AAK1: variants seen among roughly 807,000 people sequenced by gnomAD.
The protein encoded by AAK1 is AP2-associated protein kinase 1.
AAK1 carries 37 observed loss-of-function variants against 116.0 expected under a neutral mutation model. The ratio of observed to expected loss-of-function variants is 0.32; its 90% CI spans 0.25 to 0.42. The LOEUF is 0.42. Among genes scored for constraint, AAK1 ranks in the 10% least tolerant of loss-of-function variants. AAK1 has a pLI of 1.00. For synonymous variants in AAK1, 458 were observed against 439.9 expected (o/e 1.04, Z -0.51); for missense variants, 919 against 1,170.6 (o/e 0.79, Z 3.14).
At chr2:69,608,254 A>G (rs1673902073) in intron 2 of AAK1, among the ~76,000 whole-genome samples, 1 of 152,260 alleles carries the variant, frequency 6.6e-6, no homozygotes, top group Non-Finnish European at 1.5e-5. Context: ...CAGAGCCTTG[A>G]GCAGACATTC....
intron 3 of AAK1, among the ~76,000 whole-genome samples, chr2:69,550,258 C>T (rs1032508305): frequency 3.9e-4 from 60 of 152,304 alleles, no homozygotes; most frequent in African/African-American, 1.4e-3. Context: ...AACCTGAAGG[C>T]TCTCTGGACC....
At chr2:69,504,121 G>A (rs1676082542) in intron 16 of AAK1, among the ~76,000 whole-genome samples, 1 of 152,096 alleles carries the variant, frequency 6.6e-6, no homozygotes, top group Non-Finnish European at 1.5e-5. Context: ...ATCAGGTTGG[G>A]TGTGGTAGCT....
At chr2:69,607,180 G>T (rs1203870798) in intron 2 of AAK1, among the ~76,000 whole-genome samples, 1 of 152,096 alleles carries the variant, frequency 6.6e-6, no homozygotes, top group Non-Finnish European at 1.5e-5. Context: ...GTCAGAGAAG[G>T]GTTCCCCAAG....
chr2:69,474,317 T>C lies in AAK1; in HGVS notation c.*1552A>G, dbSNP rs1302003219. On this transcript the variant is annotated 3_prime_UTR_variant, in exon 22 of 22. Coordinates refer to ENST00000409085, the MANE Select transcript of AAK1 (RefSeq NM_014911.5). ...GAGTTTCCCTTTTGATGATGGACAA[T>C]GGCACTAGAGGAAAAGAACAGGAGT... 1 of 985,746 alleles carries C rather than the reference T, an allele frequency of 1.0e-6. No individual in the cohort carries two copies. Among genetic ancestry groups the C allele is most frequent in the African/African-American group, 1.7e-5 (1 of 57,236 alleles). 61.1% of individuals were successfully genotyped at this position (985,746 alleles called of 1,614,324 possible). A position where few individuals can be genotyped will look rare whatever the true frequency, so the allele number is the denominator to read the frequency against.
chr2:69,501,249 T>C (rs1675969326), intron 16 of AAK1, among the ~76,000 whole-genome samples: 1 of 152,206 alleles, frequency 6.6e-6, no homozygotes, highest in Admixed American at 6.5e-5. Flanking sequence ...AATATACTTA[T>C]ACAATTTACA....
intron 2 of AAK1, among the ~76,000 whole-genome samples, chr2:69,623,760 TTCC>T (rs2105243459): frequency 6.6e-6 from 1 of 152,092 alleles, no homozygotes; most frequent in Admixed American, 6.5e-5. Context: ...TCTCAGGCCT[TTCC>T]AAGGATGGCT....
chr2:69,483,818 C>T (rs1006777310), intron 17 of AAK1, among the ~76,000 whole-genome samples: 2 of 152,148 alleles, frequency 1.3e-5, no homozygotes, highest in East Asian at 1.9e-4. Context: ...AATAAAAGGA[C>T]GCCTGAGCCA....
In AAK1 at chr2:69,472,748, T is replaced by C; in HGVS notation, c.*3121A>G. 1.0e-6 allele frequency: 1 copy of C among 985,458 alleles called. No homozygotes were observed. Among genetic ancestry groups the C allele is most frequent in the Non-Finnish European group, 1.2e-6 (1 of 829,920 alleles). The allele number at this position is 985,458 out of a possible 1,614,324, so 61.0% of individuals were successfully genotyped here. On this transcript the variant is annotated 3_prime_UTR_variant, in exon 22 of 22. Transcript: ENST00000409085. ...AATCAGAAACATATGCTTATAGTAT[T>C]TGCCCGTTTTAAACTGGTAGATGCC...
chr2:69,583,287 C>A (rs1052381771), intron 2 of AAK1, among the ~76,000 whole-genome samples: 2 of 152,166 alleles, frequency 1.3e-5, no homozygotes, highest in Non-Finnish European at 2.9e-5. Flanking sequence ...ATTACTAATT[C>A]TTTAAAAGAC....
intron 20 of AAK1, among the ~76,000 whole-genome samples, chr2:69,477,654 G>A (rs572293635): frequency 1.3e-5 from 2 of 152,288 alleles, no homozygotes; most frequent in South Asian, 4.2e-4. Flanking sequence ...TGCAAATGAT[G>A]CTTCTCTGTA....
intron 3 of AAK1, among the ~76,000 whole-genome samples, chr2:69,552,188 T>C (rs1671209769): frequency 6.6e-6 from 1 of 152,112 alleles, no homozygotes; most frequent in Non-Finnish European, 1.5e-5. Flanking sequence ...ATTTTAAAAC[T>C]TATTTAGCTA....
At chr2:69,599,027 TG>T in intron 2 of AAK1, 1 of 296,810 alleles carries the variant, frequency 3.4e-6, no homozygotes, top group Non-Finnish European at 6.6e-6. Flanking sequence ...AGAAAATTCA[TG>T]GGGAGGTCCG....
intron 2 of AAK1, among the ~76,000 whole-genome samples, chr2:69,609,231 C>T (rs995565237): frequency 6.6e-6 from 1 of 151,764 alleles, no homozygotes; most frequent in Non-Finnish European, 1.5e-5. Flanking sequence ...GGCTTGGTGG[C>T]GGGTGCCTGT....
intron 2 of AAK1, among the ~76,000 whole-genome samples, chr2:69,606,392 A>G (rs1464773660): frequency 6.6e-6 from 1 of 152,224 alleles, no homozygotes; most frequent in Admixed American, 6.5e-5. Context: ...CACTTGCTGC[A>G]CTTAGTGCTG....
intron 17 of AAK1, among the ~76,000 whole-genome samples, chr2:69,484,145 G>T (rs1675199587): frequency 6.6e-6 from 1 of 152,150 alleles, no homozygotes; most frequent in South Asian, 2.1e-4. Flanking sequence ...ATGTTTGCTT[G>T]AGAAAAAGAA....
At position 69,522,629 on chromosome 2, in the gene AAK1, C is replaced by T. The variant is rs190761604; in HGVS notation, c.1056-1641G>A. ...GACCAGCCTGGCCAACATGGCAAAACGCCGTCTCTACTAAAAATACAAAAA... is the reference window on the plus strand; with the variant it reads ...GACCAGCCTGGCCAACATGGCAAAATGCCGTCTCTACTAAAAATACAAAAA... On this transcript the variant is annotated intron_variant, in intron 10 of 21. Transcript: ENST00000409085. Among the ~76,000 whole-genome samples, 21 of 152,068 alleles carry T rather than the reference C, an allele frequency of 1.4e-4. No homozygotes were observed. In the East Asian group the frequency reaches 2.7e-3, roughly 20 times the overall value.
At chr2:69,500,698 T>TATATATATATACACACACACACAC in intron 16 of AAK1, among the ~76,000 whole-genome samples, 2 of 65,100 alleles carry the variant, frequency 3.1e-5, no homozygotes, top group African/African-American at 1.6e-4. Context: ...TATATATATA[T>TATATATATATACACACACACACAC]ACACACACAC....
intron 17 of AAK1, among the ~76,000 whole-genome samples, chr2:69,488,000 AGGCT>A (rs1242804703): frequency 2.6e-5 from 4 of 152,186 alleles, no homozygotes; most frequent in South Asian, 2.1e-4. Flanking sequence ...CATGTGGGCC[AGGCT>A]GGTCTCAAAC....
rs1177600005 is a variant in AAK1 at position 69,530,000 on chromosome 2, ATACT to A, written c.871+4_871+7del. 6.5e-7 allele frequency: 1 copy of A among 1,536,894 alleles called. No individual in the cohort carries two copies. The highest frequency in any genetic ancestry group is 1.4e-5 in the African/African-American group (1 of 71,418). ...AAAAATATGAAACTAGAAACTTAAA[ATACT>A]TACTAATTAGGCAGTGCATGTCTTG... On this transcript the variant is annotated splice_donor_5th_base_variant and intron_variant, in intron 8 of 21. Coordinates refer to ENST00000409085, the MANE Select transcript of AAK1 (RefSeq NM_014911.5).
Sources: gnomAD v4.1 joint callset for allele counts (sites outside exome capture counted in the v4.1 genomes callset) on GRCh38, gnomAD v4.1.1 for gene constraint, MANE v1.5 for transcripts, NCBI Gene and HGNC (gene_info 2026-07-23, HGNC 2026-07-21) for gene names.